MGST2: variants seen among roughly 807,000 people sequenced by gnomAD.
The protein encoded by MGST2 is glutathione peroxidase MGST2.
A neutral mutation model predicts 16.6 loss-of-function variants in MGST2; 9 were observed. The observed-to-expected ratio is 0.54, with a 90% CI of 0.33 to 0.95. The LOEUF (loss-of-function observed/expected upper bound fraction) is 0.95. Ranked by LOEUF, MGST2 falls within the 40% of genes least tolerant of loss-of-function variation. MGST2 has a pLI of 0.03. For synonymous variants in MGST2, 79 were observed against 68.0 expected (o/e 1.16, Z -0.79); for missense variants, 159 against 175.1 (o/e 0.91, Z 0.52).
intron 3 of MGST2, chr4:139,698,450 C>A (rs1243111136): frequency 8.6e-6 from 10 of 1,166,436 alleles, no homozygotes; most frequent in African/African-American, 1.5e-5. Flanking sequence ...GTTTCTTCAC[C>A]CCTCCAGTAG....
At chr4:139,713,712 T>C (rs1382075754) in intron 5 of MGST2, among the ~76,000 whole-genome samples, 1 of 152,244 alleles carries the variant, frequency 6.6e-6, no homozygotes, top group African/African-American at 2.4e-5. Context: ...CCAATATTTC[T>C]AGCTTCTGAA....
chr4:139,739,904 T>C (rs894538585), intron 5 of MGST2, among the ~76,000 whole-genome samples: 9 of 152,140 alleles, frequency 5.9e-5, no homozygotes, highest in Admixed American at 5.9e-4. Context: ...TGGAATGAAA[T>C]GTAGAGTTCA....
At chr4:139,691,694 G>GATTATTATT (rs1491509102) in intron 2 of MGST2, among the ~76,000 whole-genome samples, 2 of 130,712 alleles carry the variant, frequency 1.5e-5, no homozygotes, top group African/African-American at 7.1e-5. Flanking sequence ...TGATGATGAT[G>GATTATTATT]ATGATTATTA....
intron 3 of MGST2, among the ~76,000 whole-genome samples, chr4:139,700,826 G>A (rs1443970007): frequency 2.0e-5 from 3 of 152,146 alleles, no homozygotes; most frequent in Non-Finnish European, 2.9e-5. Flanking sequence ...TGCTACCTTC[G>A]TTGGAGAAAT....
the MGST2 span, among the ~76,000 whole-genome samples, chr4:139,746,736 T>C: frequency 6.6e-6 from 1 of 152,186 alleles, no homozygotes; most frequent in African/African-American, 2.4e-5. Context: ...TCCTCCTCTC[T>C]CCCTTTCTAA....
At chr4:139,674,315 C>T (rs1046626697) in intron 1 of MGST2, among the ~76,000 whole-genome samples, 14 of 152,150 alleles carry the variant, frequency 9.2e-5, no homozygotes, top group African/African-American at 3.4e-4. Context: ...AGATAGGAGA[C>T]ATTCTTTTGA....
Position 139,695,219 on chromosome 4 carries a change from C to G in MGST2, c.181C>G (p.Pro61Ala), listed in dbSNP as rs780587252. Reference protein sequence around the residue: ...RAQQNCVEFYPIFIITLWMAG... With the variant: ...RAQQNCVEFYAIFIITLWMAG... ...CAGACAAAACTGTGTGGAGTTTTAT[C>G]CTATATTCATAATTACATTGTGGAT... Residue 61 changes from proline (P) to alanine (A), a missense_variant, in exon 3 of 5, where the codon CCT becomes GCT. By Grantham distance (27) the Pro-to-Ala change is conservative. Coordinates refer to ENST00000265498, the MANE Select transcript of MGST2 (RefSeq NM_002413.5). The G allele has an allele frequency of 6.2e-7, 1 of 1,613,058 alleles. No individual in the cohort carries two copies. The highest frequency in any genetic ancestry group is 2.2e-5 in the East Asian group (1 of 44,878).
intron 5 of MGST2, chr4:139,725,714 G>A (rs769901414): frequency 6.3e-7 from 1 of 1,590,968 alleles, no homozygotes; most frequent in South Asian, 1.1e-5. Context: ...CTTCACCACT[G>A]GAAGGTATAA....
chr4:139,676,225 G>A (rs368536551), intron 1 of MGST2, among the ~76,000 whole-genome samples: 15 of 152,148 alleles, frequency 9.9e-5, no homozygotes, highest in African/African-American at 3.6e-4. Flanking sequence ...TTTTTGGGGG[G>A]TATCAATAGT....
chr4:139,678,668 A>G, intron 2 of MGST2, 26 bp downstream of exon 2: 1 of 1,544,624 alleles, frequency 6.5e-7, no homozygotes, highest in East Asian at 2.2e-5. Context: ...TCCACCCTTC[A>G]TGGATCTGTG....
the MGST2 span, among the ~76,000 whole-genome samples, chr4:139,746,293 A>G: frequency 6.6e-6 from 1 of 152,262 alleles, no homozygotes; most frequent in South Asian, 2.1e-4. Flanking sequence ...TTCTAACAAA[A>G]TAATTCATCA....
chr4:139,725,867 G>A, intron 5 of MGST2: 1 of 1,562,342 alleles, frequency 6.4e-7, no homozygotes, highest in South Asian at 1.1e-5. Context: ...GGGGTGGAGA[G>A]GTGAGATAGG....
At chr4:139,702,722 C>T (rs929313352) in intron 3 of MGST2, among the ~76,000 whole-genome samples, 11 of 151,612 alleles carry the variant, frequency 7.3e-5, no homozygotes, top group African/African-American at 1.9e-4. Flanking sequence ...TCAAATGTTA[C>T]GTTCGATTTT....
downstream of MGST2, among the ~76,000 whole-genome samples, chr4:139,742,438 C>T (rs116555967): frequency 0.061 from 9,347 of 152,254 alleles, 471 homozygotes; most frequent in Admixed American, 0.14. Flanking sequence ...CGAGAGCCAC[C>T]GCACCTGGCC....
At chr4:139,706,910 A>G (rs912962891), downstream of MGST2, among the ~76,000 whole-genome samples, 7 of 152,340 alleles carry the variant, frequency 4.6e-5, no homozygotes, top group African/African-American at 1.7e-4. Context: ...TGACAATTAC[A>G]TGTACATTTT....
At position 139,730,600 on chromosome 4, in the gene MGST2, C is replaced by T. The variant is rs1728664912; in HGVS notation, c.*49-9612C>T. ...GGGACTGGCTCCTGAGACCATGCCA[C>T]CTGAGCCTGGGGGCACGGAGGACTG... On this transcript the variant is annotated intron_variant, in intron 5 of 5. Transcript: ENST00000616265. The T allele has an allele frequency of 2.5e-6, 4 of 1,611,372 alleles. No individual in the cohort carries two copies. In the Admixed American group the frequency reaches 6.7e-5, roughly 27 times the overall value.
intron 5 of MGST2, among the ~76,000 whole-genome samples, chr4:139,712,917 A>T (rs772768759): frequency 6.6e-6 from 1 of 152,264 alleles, no homozygotes; most frequent in African/African-American, 2.4e-5. Flanking sequence ...TATGCAAATA[A>T]GTATATTGCC....
At chr4:139,737,388 T>G (rs1434779581) in intron 5 of MGST2, among the ~76,000 whole-genome samples, 1 of 152,056 alleles carries the variant, frequency 6.6e-6, no homozygotes, top group Admixed American at 6.5e-5. Context: ...GGATTCTGAC[T>G]TTTCCACTGA....
intron 5 of MGST2, among the ~76,000 whole-genome samples, chr4:139,709,761 G>T (rs887571114): frequency 7.9e-5 from 12 of 152,326 alleles, no homozygotes; most frequent in African/African-American, 2.9e-4. Context: ...GTTGAGCATT[G>T]TTAAGAGATC....
Sources: allele counts gnomAD v4.1 joint callset (sites outside exome capture counted in the v4.1 genomes callset), GRCh38; gene constraint gnomAD v4.1.1; transcripts MANE v1.5; gene names NCBI Gene and HGNC (gene_info 2026-07-23, HGNC 2026-07-21).